CNOT6L: variants seen among roughly 807,000 people sequenced by gnomAD.
The protein encoded by CNOT6L is CCR4-NOT transcription complex subunit 6-like.
A neutral mutation model predicts 64.0 loss-of-function variants in CNOT6L; 7 were observed. The observed-to-expected ratio is 0.11, with a 90% CI of 0.06 to 0.21. The LOEUF is 0.21. Among genes scored for constraint, CNOT6L ranks in the 10% least tolerant of loss-of-function variants. CNOT6L has a pLI of 1.00. For synonymous variants in CNOT6L, 193 were observed against 243.4 expected (o/e 0.79, Z 1.93); for missense variants, 245 against 669.0 (o/e 0.37, Z 6.99).
chr4:77,720,573 G>A lies in CNOT6L; in HGVS notation c.1526C>T (p.Pro509Leu), dbSNP rs377549782. 1.9e-6 allele frequency: 3 copies of A among 1,613,248 alleles called. No individual in the cohort carries two copies. Among genetic ancestry groups the A allele is most frequent in the African/African-American group, 1.3e-5 (1 of 74,856 alleles). ...GATGTTGTTCTCAACCAGCCATTGA[G>A]GATCTAAAGGCCCCAGGACACCAAG... ...NVLGVLGPLD[P>L]QWLVENNITG... Residue 509 changes from proline to leucine, a missense_variant, in exon 12 of 12, where the codon CCT becomes CTT. Pro to Leu is a moderately conservative substitution (Grantham distance 98). Coordinates refer to ENST00000504123, the MANE Select transcript of CNOT6L (RefSeq NM_144571.3).
At chr4:77,765,457 G>A (rs914136680) in intron 4 of CNOT6L, among the ~76,000 whole-genome samples, 2 of 151,928 alleles carry the variant, frequency 1.3e-5, no homozygotes, top group Non-Finnish European at 2.9e-5. Flanking sequence ...AAAACACCAG[G>A]CAATGACAGT....
chr4:77,800,812 A>G (rs1216872585), intron 1 of CNOT6L, among the ~76,000 whole-genome samples: 1 of 152,228 alleles, frequency 6.6e-6, no homozygotes, highest in Non-Finnish European at 1.5e-5. Flanking sequence ...GATAAAGTAT[A>G]AAGAAAAGCT....
At chr4:77,751,628 G>T (rs1001353389) in intron 5 of CNOT6L, among the ~76,000 whole-genome samples, 1 of 152,000 alleles carries the variant, frequency 6.6e-6, no homozygotes, top group African/African-American at 2.4e-5. Flanking sequence ...ACTAAAGAAC[G>T]AACCTTAAAA....
intron 3 of CNOT6L, among the ~76,000 whole-genome samples, chr4:77,773,443 AT>A (rs1349469366): frequency 6.6e-6 from 1 of 152,190 alleles, no homozygotes; most frequent in East Asian, 1.9e-4. Flanking sequence ...CTCAGGCTAA[AT>A]CTACCCCCTT....
chr4:77,819,983 G>A (rs907172599), upstream of CNOT6L, among the ~76,000 whole-genome samples: 2 of 151,996 alleles, frequency 1.3e-5, no homozygotes, highest in Non-Finnish European at 2.9e-5. Flanking sequence ...CGCAGGGCCG[G>A]AGCCGCGGCT....
intron 1 of CNOT6L, among the ~76,000 whole-genome samples, chr4:77,788,465 C>T (rs191903784): frequency 5.6e-4 from 85 of 152,276 alleles, no homozygotes; most frequent in African/African-American, 1.6e-3. Context: ...CCATGGCTCA[C>T]GCCTGTAATC....
intron 1 of CNOT6L, among the ~76,000 whole-genome samples, chr4:77,786,286 AAAG>A (rs1364329426): frequency 4.6e-4 from 69 of 150,346 alleles, no homozygotes; most frequent in African/African-American, 6.6e-4. Flanking sequence ...CTCTAAAAAA[AAAG>A]AAAGAAAGAG....
intron 1 of CNOT6L, among the ~76,000 whole-genome samples, chr4:77,787,191 G>A (rs1729554804): frequency 6.6e-6 from 1 of 152,066 alleles, no homozygotes; most frequent in Non-Finnish European, 1.5e-5. Flanking sequence ...GCTTGAACCT[G>A]GGAGGTGGAG....
At chr4:77,801,852 G>C (rs544611449) in intron 1 of CNOT6L, among the ~76,000 whole-genome samples, 1 of 152,112 alleles carries the variant, frequency 6.6e-6, no homozygotes, top group Non-Finnish European at 1.5e-5. Context: ...TCACATCTGT[G>C]AATAGCCACT....
At chr4:77,782,248 T>C (rs1728941149) in intron 1 of CNOT6L, among the ~76,000 whole-genome samples, 2 of 152,204 alleles carry the variant, frequency 1.3e-5, no homozygotes, top group South Asian at 4.1e-4. Context: ...CCTGAGAAAA[T>C]GTGTCTGTGT....
intron 1 of CNOT6L, among the ~76,000 whole-genome samples, chr4:77,786,670 T>C (rs1298213887): frequency 6.6e-6 from 1 of 151,758 alleles, no homozygotes; most frequent in Non-Finnish European, 1.5e-5. Flanking sequence ...AGAAGCAGGA[T>C]TTCACCACAT....
intron 1 of CNOT6L, among the ~76,000 whole-genome samples, chr4:77,809,465 T>G (rs1272471114): frequency 6.6e-6 from 1 of 152,198 alleles, no homozygotes; most frequent in Non-Finnish European, 1.5e-5. Context: ...ATTCTGACAG[T>G]GTTTCAAGGC....
chr4:77,783,958 A>T (rs926030100), intron 1 of CNOT6L, among the ~76,000 whole-genome samples: 1 of 151,136 alleles, frequency 6.6e-6, no homozygotes, highest in Non-Finnish European at 1.5e-5. Flanking sequence ...TATCTGTGCA[A>T]ATAAAATGCA....
chr4:77,735,232 T>C (rs1403229411), intron 8 of CNOT6L, among the ~76,000 whole-genome samples: 1 of 152,190 alleles, frequency 6.6e-6, no homozygotes, highest in Non-Finnish European at 1.5e-5. Flanking sequence ...TTCACTTTTC[T>C]CCGTATGTCC....
intron 1 of CNOT6L, among the ~76,000 whole-genome samples, chr4:77,818,338 G>C (rs931212820): frequency 1.3e-5 from 2 of 152,096 alleles, no homozygotes; most frequent in African/African-American, 4.8e-5. Flanking sequence ...TCTCCCCCTA[G>C]GAGGCAGGAT....
At chr4:77,743,868 C>G (rs544428821) in intron 7 of CNOT6L, among the ~76,000 whole-genome samples, 1 of 152,212 alleles carries the variant, frequency 6.6e-6, no homozygotes, top group African/African-American at 2.4e-5. Flanking sequence ...TCCCAGAGTA[C>G]TGGGACTATA....
At chr4:77,776,600 G>A (rs1193087584) in intron 1 of CNOT6L, among the ~76,000 whole-genome samples, 1 of 152,134 alleles carries the variant, frequency 6.6e-6, no homozygotes. Flanking sequence ...GATGCCTAAG[G>A]GAAAATGCAA....
intron 1 of CNOT6L, among the ~76,000 whole-genome samples, chr4:77,806,698 C>A (rs1732263505): frequency 6.6e-6 from 1 of 152,060 alleles, no homozygotes. Context: ...TCAATGACTC[C>A]AGAACAAAAT....
chr4:77,759,978 C>G (rs1725995961), intron 4 of CNOT6L, among the ~76,000 whole-genome samples: 2 of 152,080 alleles, frequency 1.3e-5, no homozygotes, highest in African/African-American at 2.4e-5. Context: ...AACTAGATAC[C>G]AACAGACAAA....
Sources: gnomAD v4.1 joint callset for allele counts (sites outside exome capture counted in the v4.1 genomes callset) on GRCh38, gnomAD v4.1.1 for gene constraint, MANE v1.5 for transcripts, NCBI Gene and HGNC (gene_info 2026-07-23, HGNC 2026-07-21) for gene names.